The following ADTRP variants were observed in gnomAD, a reference collection of about 807,000 sequenced individuals.
The protein encoded by ADTRP is androgen-dependent TFPI-regulating protein.
A neutral mutation model predicts 27.0 loss-of-function variants in ADTRP; 20 were observed. That is an observed-to-expected ratio of 0.74 (90% CI 0.52 to 1.08). The LOEUF is 1.08. Among genes scored for constraint, ADTRP ranks in the 50% least tolerant of loss-of-function variants. The pLI is 0.00. For missense variants in ADTRP, 251 were observed against 275.0 expected (o/e 0.91, Z 0.62); for synonymous variants, 101 against 105.2 (o/e 0.96, Z 0.25).
chr6:11,768,783 G>A (rs1165423550), intron 1 of ADTRP, among the ~76,000 whole-genome samples: 1 of 152,136 alleles, frequency 6.6e-6, no homozygotes, highest in African/African-American at 2.4e-5. Flanking sequence ...GTCTTCCTGG[G>A]AAGGAAAATT....
rs577979430 is a variant in ADTRP at position 11,740,717 on chromosome 6, C to T, written c.391-5034G>A. On this transcript the variant is annotated intron_variant, in intron 3 of 5. Transcript: ENST00000414691. ...TAACTTCCTGTGCTACAATTTCTGC[C>T]TCTAACTCCCTACAGGTAGAGACAA... Among the ~76,000 whole-genome samples, 16 of 152,294 alleles carry T rather than the reference C, an allele frequency of 1.1e-4. No individual in the cohort carries two copies. The East Asian group carries it at 2.3e-3, about 22-fold the overall frequency.
chr6:11,770,525 G>A (rs1283064868), intron 1 of ADTRP, among the ~76,000 whole-genome samples: 1 of 152,064 alleles, frequency 6.6e-6, no homozygotes, highest in East Asian at 1.9e-4. Context: ...AAGGGAAAGG[G>A]ACATAAAGGT....
At chr6:11,776,291 G>C (rs1047599315) in intron 1 of ADTRP, among the ~76,000 whole-genome samples, 1 of 152,208 alleles carries the variant, frequency 6.6e-6, no homozygotes. Context: ...GGGACTGCTT[G>C]AGGATGCAGA....
intron 3 of ADTRP, chr6:11,755,151 A>G: frequency 8.7e-6 from 7 of 806,050 alleles, no homozygotes; most frequent in Non-Finnish European, 1.0e-5. Flanking sequence ...CAAGCCCTCA[A>G]GGTCACTGAA....
intron 1 of ADTRP, among the ~76,000 whole-genome samples, chr6:11,775,583 A>G (rs935452913): frequency 6.6e-6 from 1 of 151,138 alleles, no homozygotes; most frequent in African/African-American, 2.4e-5. Flanking sequence ...TTAGGCAGAG[A>G]CTCCCATCTG....
chr6:11,740,685 T>C (rs1762687782), intron 3 of ADTRP, among the ~76,000 whole-genome samples: 1 of 152,232 alleles, frequency 6.6e-6, no homozygotes, highest in Non-Finnish European at 1.5e-5. Context: ...TTTACCTCCT[T>C]CCTCACTAAC....
At chr6:11,729,701 A>G (rs1053151762) in intron 4 of ADTRP, among the ~76,000 whole-genome samples, 4 of 152,164 alleles carry the variant, frequency 2.6e-5, no homozygotes, top group Non-Finnish European at 5.9e-5. Context: ...CAAAATTAGA[A>G]TTGACTTGAG....
chr6:11,753,470 C>T (rs1763117340), intron 3 of ADTRP, among the ~76,000 whole-genome samples: 1 of 152,124 alleles, frequency 6.6e-6, no homozygotes, highest in East Asian at 1.9e-4. Flanking sequence ...TTTCAGTTGT[C>T]AAATATTCAA....
Position 11,723,274 on chromosome 6 carries a change from C to G in ADTRP, c.658+75G>C. Reference sequence around the variant, plus strand: ...TTGCTTCTGTTTGCGGCTAGTTTTTCTTTCTGTTTCCAGGTGAAGGGGAGA... The same window carrying G: ...TTGCTTCTGTTTGCGGCTAGTTTTTGTTTCTGTTTCCAGGTGAAGGGGAGA... On this transcript the variant is annotated intron_variant, in intron 5 of 5. Transcript: ENST00000414691. The G allele has an allele frequency of 1.9e-6, 3 of 1,548,112 alleles. No homozygotes were observed. In the South Asian group the frequency reaches 3.6e-5, roughly 19 times the overall value.
rs192132576 is a variant in ADTRP, at chr6:11,740,018, T to C, written c.391-4335A>G. The stretch of plus-strand genomic sequence containing the variant: ...TCTCTGCTTCTTTCCTCTATTTCAT[T>C]TCCCTTCTGGACTATCTCTTGTGTT... On this transcript the variant is annotated intron_variant, in intron 3 of 5. Coordinates refer to ENST00000414691, the MANE Select transcript of ADTRP (RefSeq NM_032744.4). Among the ~76,000 whole-genome samples the C allele has an allele frequency of 1.5e-4, 23 of 152,366 alleles. No homozygotes were observed. In the East Asian group the frequency reaches 3.9e-3, roughly 26 times the overall value.
intron 1 of ADTRP, among the ~76,000 whole-genome samples, chr6:11,776,754 A>C (rs1256749404): frequency 6.6e-6 from 1 of 152,220 alleles, no homozygotes; most frequent in Non-Finnish European, 1.5e-5. Context: ...TCCTTACTGC[A>C]GAAGAGACCA....
At chr6:11,733,004 A>G (rs1762435033) in intron 4 of ADTRP, among the ~76,000 whole-genome samples, 1 of 152,220 alleles carries the variant, frequency 6.6e-6, no homozygotes, top group Non-Finnish European at 1.5e-5. Context: ...AGTTGGCTCA[A>G]GTACCAGCTT....
At chr6:11,725,931 G>T (rs141623785) in intron 4 of ADTRP, among the ~76,000 whole-genome samples, 1,507 of 141,944 alleles carry the variant, frequency 0.011, 49 homozygotes, top group Admixed American at 0.076. Flanking sequence ...TGAAAACAGG[G>T]ATCTGAAGAG....
rs762727349 is a variant in ADTRP, at chr6:11,768,421, C to T, written c.154-38G>A. ...CAACAAATGAGGGCATTTTCATTTACTTTAATTAATACCTTCTTCACTGAT... is the reference window on the plus strand; with the variant it reads ...CAACAAATGAGGGCATTTTCATTTATTTTAATTAATACCTTCTTCACTGAT... On this transcript the variant is annotated intron_variant, in intron 1 of 5. Transcript: ENST00000414691. 5.0e-6 allele frequency: 8 copies of T among 1,611,372 alleles called. No individual in the cohort carries two copies. The South Asian group carries it at 8.8e-5, about 18-fold the overall frequency.
intron 1 of ADTRP, among the ~76,000 whole-genome samples, chr6:11,770,383 G>C (rs923898914): frequency 3.3e-5 from 5 of 152,326 alleles, no homozygotes; most frequent in East Asian, 1.9e-4. Context: ...AGTCTCAAGA[G>C]AGGCGGGGCT....
Position 11,769,970 on chromosome 6 carries a change from G to A in ADTRP, c.154-1587C>T, listed in dbSNP as rs764364031. 2.9e-5 allele frequency: 44 copies of A among 1,514,780 alleles called. 1 individual carries two copies. The Admixed American group carries it at 3.5e-4, about 12-fold the overall frequency. The allele number at this position is 1,514,780 out of a possible 1,614,324, so 93.8% of individuals were successfully genotyped here. ...TGTTTCATTCTCATAACAACCTTACGAGCCAAGTCCTATCATTAGACTCCC... is the reference window on the plus strand; with the variant it reads ...TGTTTCATTCTCATAACAACCTTACAAGCCAAGTCCTATCATTAGACTCCC... On this transcript the variant is annotated intron_variant, in intron 1 of 5. Coordinates refer to ENST00000414691, the MANE Select transcript of ADTRP (RefSeq NM_032744.4).
intron 4 of ADTRP, among the ~76,000 whole-genome samples, chr6:11,729,223 C>T (rs1447765863): frequency 1.3e-5 from 2 of 152,046 alleles, no homozygotes; most frequent in Non-Finnish European, 2.9e-5. Flanking sequence ...GTCTTTCCAG[C>T]CCAGGAGAAT....
chr6:11,738,825 G>A (rs959601133), intron 3 of ADTRP, among the ~76,000 whole-genome samples: 3 of 152,162 alleles, frequency 2.0e-5, no homozygotes, highest in Admixed American at 6.5e-5. Flanking sequence ...TTAGTGATGG[G>A]CCATATACCT....
chr6:11,778,277 G>A (rs1764023554), intron 1 of ADTRP, among the ~76,000 whole-genome samples: 1 of 152,160 alleles, frequency 6.6e-6, no homozygotes, highest in African/African-American at 2.4e-5. Context: ...AGTTCAAAAT[G>A]CCTCCTGCAT....
Sources: allele counts gnomAD v4.1 joint callset (sites outside exome capture counted in the v4.1 genomes callset), GRCh38; gene constraint gnomAD v4.1.1; transcripts MANE v1.5; gene names NCBI Gene and HGNC (gene_info 2026-07-23, HGNC 2026-07-21).